Variants in ZNF445 observed in about 807,000 individuals in gnomAD.
ZNF445 encodes zinc finger protein 168.
In ZNF445, 19 loss-of-function variants were observed where a neutral mutation model predicts 93.9. That is an observed-to-expected ratio of 0.20 (90% CI 0.14 to 0.30). The LOEUF is 0.30. Among genes scored for constraint, ZNF445 ranks in the 10% least tolerant of loss-of-function variants. The pLI, the probability that ZNF445 is intolerant of heterozygous loss-of-function variation, is 1.00. For missense variants in ZNF445, 1,058 were observed against 1,259.4 expected, an observed-to-expected ratio of 0.84 and a Z score of 2.42; for synonymous variants, 449 against 446.3, an observed-to-expected ratio of 1.01 and a Z score of -0.08.
In ZNF445 at chr3:44,447,861, T is replaced by TC; in HGVS notation, c.1809dup (p.Lys604GlufsTer6). On this transcript the variant is annotated frameshift_variant, in exon 8 of 8. Transcript: ENST00000396077. LOFTEE classifies it high-confidence loss of function. The surrounding 1 kb of genome is among the most constrained non-coding windows in gnomAD (Gnocchi z 4.7). Reference sequence around the variant, plus strand: ...ACATATGACTTACAGTGGAAGGATTTCCTGCACTGGCTGCAGTCAAAGAGT... The same window carrying TC: ...ACATATGACTTACAGTGGAAGGATTTCCCTGCACTGGCTGCAGTCAAAGAGT... 1 of 1,614,110 alleles carries TC rather than the reference T, an allele frequency of 6.2e-7. No individual in the cohort carries two copies. Among genetic ancestry groups the TC allele is most frequent in the South Asian group, 1.1e-5 (1 of 91,076 alleles).
chr3:44,440,850 C>T lies in ZNF445; in HGVS notation c.*5725G>A, dbSNP rs962899233. 6.6e-6 allele frequency: 1 copy of T among 151,950 alleles called. No homozygotes were observed. The highest frequency in any genetic ancestry group is 1.5e-5 in the Non-Finnish European group (1 of 68,008). The allele number at this position is 151,950 out of a possible 1,614,324, so 9.4% of individuals were successfully genotyped here. Reference sequence around the variant, plus strand: ...TTCCCGGGAAAGGTGTGAGCAATTACCAGAACTGAGGGTTCCTCTCCTTTT... The same window carrying T: ...TTCCCGGGAAAGGTGTGAGCAATTATCAGAACTGAGGGTTCCTCTCCTTTT... On this transcript the variant is annotated 3_prime_UTR_variant, in exon 8 of 8. Coordinates refer to ENST00000396077, the MANE Select transcript of ZNF445 (RefSeq NM_181489.6).
intron 1 of ZNF445, among the ~76,000 whole-genome samples, chr3:44,466,129 G>C (rs553765216): frequency 6.6e-6 from 1 of 152,286 alleles, no homozygotes; most frequent in South Asian, 2.1e-4. Context: ...TCTTCACTGG[G>C]TCTTCTTTGG....
rs563815327 is a variant in ZNF445 at position 44,458,772 on chromosome 3, TTCTG to T, written c.-268-412_-268-409del. Among the ~76,000 whole-genome samples, 11 of 152,284 alleles carry T rather than the reference TTCTG, an allele frequency of 7.2e-5. No individual in the cohort carries two copies. In the South Asian group the frequency reaches 2.3e-3, roughly 32 times the overall value. On this transcript the variant is annotated intron_variant, in intron 1 of 7. Coordinates refer to ENST00000396077, the MANE Select transcript of ZNF445 (RefSeq NM_181489.6). ...AAAATATATAGTCATCTTCCCCCTT[TTCTG>T]TCTTTCTGCTGGCCGTAAATTCTCT...
chr3:44,446,394 G>T lies in ZNF445; in HGVS notation c.*181C>A, dbSNP rs750270344. The T allele has an allele frequency of 6.0e-6, 5 of 829,182 alleles. No individual in the cohort carries two copies. The highest frequency in any genetic ancestry group is 1.7e-5 in the African/African-American group (1 of 58,010). The allele number at this position is 829,182 out of a possible 1,614,324, so 51.4% of individuals were successfully genotyped here. ...GGACATGGTGCTGCACTTCCCCAGC[G>T]TCACATCCTAGCAGGCAGGCTGGGG... On this transcript the variant is annotated 3_prime_UTR_variant, in exon 8 of 8. Transcript: ENST00000396077. This position sits in a 1 kb window ranked among gnomAD's most constrained non-coding sequence, Gnocchi z 4.2.
intron 3 of ZNF445, among the ~76,000 whole-genome samples, chr3:44,454,593 A>T (rs563648924): frequency 6.6e-6 from 1 of 152,154 alleles, no homozygotes; most frequent in East Asian, 1.9e-4. Flanking sequence ...ATGCTACCAC[A>T]TTCAGCTAAT....
chr3:44,438,402 T>G lies in ZNF445; in HGVS notation c.*8173A>C, dbSNP rs1422075313. On this transcript the variant is annotated 3_prime_UTR_variant, in exon 8 of 8. Transcript: ENST00000396077. ...TGGTCTCAATCTCCTGATCTCGTGA[T>G]CTGCCCGCCTCAGCCTCCCGAGTAG... 3.9e-5 allele frequency: 6 copies of G among 152,086 alleles called. No homozygotes were observed. The highest frequency in any genetic ancestry group is 8.8e-5 in the Non-Finnish European group (6 of 68,006). The allele number at this position is 152,086 out of a possible 1,614,324, so 9.4% of individuals were successfully genotyped here.
chr3:44,437,482 G>GC lies in ZNF445; in HGVS notation c.*9092dup, dbSNP rs745341043. ...AAAGGATTCAGGGCAAGTCCGCAGT[G>GC]CAAAGCAAAAACAAGTTTATTAAGA... On this transcript the variant is annotated 3_prime_UTR_variant, in exon 8 of 8. Transcript: ENST00000396077. 1.5e-4 allele frequency: 23 copies of GC among 152,116 alleles called. No homozygotes were observed. Among genetic ancestry groups the GC allele is most frequent in the Non-Finnish European group, 3.4e-4 (23 of 68,022 alleles). 9.4% of individuals were successfully genotyped at this position (152,116 alleles called of 1,614,324 possible). A position where few individuals can be genotyped will look rare whatever the true frequency, so the allele number is the denominator to read the frequency against.
Position 44,448,255 on chromosome 3 carries a change from G to C in ZNF445, c.1416C>G (p.His472Gln), listed in dbSNP as rs558966847. The C allele has an allele frequency of 1.2e-6, 2 of 1,614,136 alleles. No individual in the cohort carries two copies. The highest frequency in any genetic ancestry group is 1.1e-5 in the South Asian group (1 of 91,074). Residue 472 changes from histidine to glutamine, a missense_variant, in exon 8 of 8, where the codon CAC (histidine) becomes CAG (glutamine). This residue lies in a region of ZNF445 where 657 missense variants were observed against 746.4 expected (regional missense o/e 0.88). Transcript: ENST00000396077. ...CTGTGTGAAGACTCTGCCCACGTTG[G>C]TGATGAGAGCTAAGGCTGAAGTCTT... is the stretch of plus-strand genomic sequence containing the variant. ...CGKDFSLSSHHQRGQSLHTVG... is the reference protein window; with the variant it reads ...CGKDFSLSSHQQRGQSLHTVG...
rs1697759763 is a variant in ZNF445 at position 44,439,290 on chromosome 3, G to C, written c.*7285C>G. On this transcript the variant is annotated 3_prime_UTR_variant, in exon 8 of 8. Coordinates refer to ENST00000396077, the MANE Select transcript of ZNF445 (RefSeq NM_181489.6). Reference sequence around the variant, plus strand: ...CGTGCCACTGCACTCCAGCCTGGGTGACAGGGTGAGACCTTGTCTCAAAAA... The same window carrying C: ...CGTGCCACTGCACTCCAGCCTGGGTCACAGGGTGAGACCTTGTCTCAAAAA... 2 of 135,908 alleles carry C rather than the reference G, an allele frequency of 1.5e-5. No individual in the cohort carries two copies. Among genetic ancestry groups the C allele is most frequent in the East Asian group, 2.5e-4 (1 of 3,936 alleles). The allele number at this position is 135,908 out of a possible 1,614,324, so 8.4% of individuals were successfully genotyped here.
At chr3:44,452,712 TTTCA>T (rs2125679944) in intron 3 of ZNF445, among the ~76,000 whole-genome samples, 2 of 152,324 alleles carry the variant, frequency 1.3e-5, no homozygotes, top group African/African-American at 4.8e-5. Context: ...CTTTTGAACA[TTTCA>T]TTGTTTTGGT....
chr3:44,448,181 C>A lies in ZNF445; in HGVS notation c.1490G>T (p.Ser497Ile), dbSNP rs1485222849. 4 of 1,614,080 alleles carry A rather than the reference C, an allele frequency of 2.5e-6. No individual in the cohort carries two copies. Among genetic ancestry groups the A allele is most frequent in the Non-Finnish European group, 3.4e-6 (4 of 1,180,062 alleles). Reference protein sequence around the residue: ...CSDCGRTFSHSSHLAYHQRLH... With the variant: ...CSDCGRTFSHISHLAYHQRLH... ...TCTCTGATGATACGCAAGATGGGAG[C>A]TATGACTGAAAGTCCTTCCACAGTC... The change falls in exon 8 of 8, where the codon AGC becomes ATC. Residue 497 changes from serine to isoleucine, a missense_variant. Ser to Ile is a moderately radical substitution (Grantham distance 142, BLOSUM62 -2). Around this residue, in one of 3 missense-constraint regions of ZNF445, gnomAD observed 657 missense variants for 746.4 expected, o/e 0.88. Coordinates refer to ENST00000396077, the MANE Select transcript of ZNF445 (RefSeq NM_181489.6).
In ZNF445 at chr3:44,440,867, T is replaced by C. The variant is rs1697798302; in HGVS notation, c.*5708A>G. On this transcript the variant is annotated 3_prime_UTR_variant, in exon 8 of 8. Coordinates refer to ENST00000396077, the MANE Select transcript of ZNF445 (RefSeq NM_181489.6). ...AGCAATTACCAGAACTGAGGGTTCC[T>C]CTCCTTTTTAGACCATATAGTGTTA... 1 of 151,918 alleles carries C rather than the reference T, an allele frequency of 6.6e-6. No homozygotes were observed. The highest frequency in any genetic ancestry group is 2.4e-5 in the African/African-American group (1 of 41,370). The allele number at this position is 151,918 out of a possible 1,614,324, so 9.4% of individuals were successfully genotyped here.
intron 1 of ZNF445, among the ~76,000 whole-genome samples, chr3:44,465,065 TAA>T (rs34412481): frequency 0.017 from 1,969 of 113,338 alleles, 47 homozygotes; most frequent in African/African-American, 0.055. Flanking sequence ...AGACTCCGCC[TAA>T]AAAAAAAAAA....
In ZNF445 at chr3:44,447,327, T is replaced by C; in HGVS notation, c.2344A>G (p.Arg782Gly). ...RNHSFLLIHQ[R>G]VHTGEKPYKC... Reference sequence around the variant, plus strand: ...TATGGCTTCTCTCCAGTGTGAACTCTCTGATGGATGAGGAGGAATGAGTGA... The same window carrying C: ...TATGGCTTCTCTCCAGTGTGAACTCCCTGATGGATGAGGAGGAATGAGTGA... The change falls in exon 8 of 8, where the codon AGA becomes GGA. Residue 782 changes from arginine (R) to glycine (G), a missense_variant. This residue lies in a region of ZNF445 where 387 missense variants were observed against 475.7 expected (regional missense o/e 0.81). Transcript: ENST00000396077. This position sits in a 1 kb window ranked among gnomAD's most constrained non-coding sequence, Gnocchi z 4.7. 6.2e-7 allele frequency: 1 copy of C among 1,614,136 alleles called. No individual in the cohort carries two copies.
Position 44,446,944 on chromosome 3 carries a change from A to G in ZNF445, c.2727T>C (p.His909=), listed in dbSNP as rs1250222765. 2.2e-5 allele frequency: 36 copies of G among 1,613,974 alleles called. No homozygotes were observed. In the Admixed American group the frequency reaches 6.0e-4, roughly 27 times the overall value. The stretch of plus-strand genomic sequence containing the variant: ...GTTTCCTCTGGTGACTGGAAAGGGT[A>G]TGTCTCCCAATGAACTCTTTCCCAC... ...QWCGKEFIGR[H]TLSSHQRKHT... Residue 909 remains histidine, a synonymous_variant, in exon 8 of 8, where the codon CAT becomes CAC. Transcript: ENST00000396077. This position sits in a 1 kb window ranked among gnomAD's most constrained non-coding sequence, Gnocchi z 4.2.
intron 1 of ZNF445, among the ~76,000 whole-genome samples, chr3:44,470,380 C>T (rs1258469284): frequency 6.6e-6 from 1 of 152,106 alleles, no homozygotes; most frequent in Non-Finnish European, 1.5e-5. Context: ...ACTGTATACG[C>T]ATGTATGTGA....
Position 44,455,368 on chromosome 3 carries a change from A to G in ZNF445, c.182T>C (p.Leu61Pro). The part of the protein sequence containing the change: ...QELFRQLFRQ[L>P]RYHESSGPLE... Reference sequence around the variant, plus strand: ...GGGCCCTGAAGACTCATGGTAGCGAAGCTGTCTGAAGAGCTGGCGGAACAG... The same window carrying G: ...GGGCCCTGAAGACTCATGGTAGCGAGGCTGTCTGAAGAGCTGGCGGAACAG... Residue 61 changes from leucine (L) to proline (P), a missense_variant, in exon 3 of 8, where the codon CTT (leucine) becomes CCT (proline). Transcript: ENST00000396077. 1 of 1,614,098 alleles carries G rather than the reference A, an allele frequency of 6.2e-7. No homozygotes were observed. Among genetic ancestry groups the G allele is most frequent in the Non-Finnish European group, 8.5e-7 (1 of 1,179,968 alleles).
At chr3:44,455,760 G>C in intron 2 of ZNF445, 64 bp from the exon 3 acceptor site, 1 of 544,872 alleles carries the variant, frequency 1.8e-6, no homozygotes. Flanking sequence ...TCTGCTGGTT[G>C]GGATCATCTT....
Position 44,468,510 on chromosome 3 carries a change from T to C in ZNF445, c.-269+9081A>G, listed in dbSNP as rs1319994030. 2.6e-5 allele frequency among the ~76,000 whole-genome samples: 4 copies of C among 152,208 alleles called. No homozygotes were observed. In the East Asian group the frequency reaches 5.8e-4, roughly 22 times the overall value. On this transcript the variant is annotated intron_variant, in intron 1 of 7. Coordinates refer to ENST00000396077, the MANE Select transcript of ZNF445 (RefSeq NM_181489.6). ...TTAGCCACAAGATTAGAAATTATGG[T>C]TTAGGAGTCATGCAGCTGGAGGTTA...
Sources: allele counts gnomAD v4.1 joint callset (sites outside exome capture counted in the v4.1 genomes callset), GRCh38; gene constraint gnomAD v4.1.1; regional missense constraint gnomAD v4.1.1; non-coding constraint Gnocchi (gnomAD v3.1); transcripts MANE v1.5; gene names NCBI Gene and HGNC (gene_info 2026-07-23, HGNC 2026-07-21).